The following SNX4 variants were observed in gnomAD, a reference collection of about 807,000 sequenced individuals.
SNX4 encodes the protein sorting nexin 4, also known as sorting nexin-4.
Under a neutral mutation model 70.8 loss-of-function variants are expected in SNX4, and 49 were observed. That is an observed-to-expected ratio of 0.69 (90% CI 0.55 to 0.88). The LOEUF (loss-of-function observed/expected upper bound fraction) is 0.88. Ranked by LOEUF, SNX4 falls within the 40% of genes least tolerant of loss-of-function variation. The pLI, the probability that SNX4 is intolerant of heterozygous loss-of-function variation, is 0.00. For synonymous variants in SNX4, 206 were observed against 183.8 expected (o/e 1.12, Z -0.98); for missense variants, 528 against 544.8 (o/e 0.97, Z 0.31).
intron 8 of SNX4, among the ~76,000 whole-genome samples, chr3:125,471,466 C>T (rs1242625605): frequency 6.7e-6 from 1 of 149,706 alleles, no homozygotes; most frequent in Non-Finnish European, 1.5e-5. Context: ...CTCTGAGGTA[C>T]ATAACAAGTT....
intron 5 of SNX4, among the ~76,000 whole-genome samples, chr3:125,495,082 A>G (rs1226684284): frequency 6.6e-6 from 1 of 151,670 alleles, no homozygotes; most frequent in African/African-American, 2.4e-5. Flanking sequence ...CTGCTACAGG[A>G]AGACCAAAGT....
At chr3:125,519,199 A>G (rs1580016957) in intron 1 of SNX4, among the ~76,000 whole-genome samples, 1 of 152,110 alleles carries the variant, frequency 6.6e-6, no homozygotes, top group East Asian at 1.9e-4. Context: ...GGAGCACTGC[A>G]GTTAGTTTCT....
At chr3:125,493,649 G>A (rs1219328642) in intron 5 of SNX4, among the ~76,000 whole-genome samples, 4 of 125,094 alleles carry the variant, frequency 3.2e-5, no homozygotes, top group African/African-American at 6.1e-5. Flanking sequence ...GCGAGACTCC[G>A]TGTCAAAAAA....
chr3:125,450,938 T>TA (rs765314120), intron 13 of SNX4, among the ~76,000 whole-genome samples: 7 of 152,180 alleles, frequency 4.6e-5, no homozygotes, highest in Non-Finnish European at 1.0e-4. Flanking sequence ...GGACTTTAGA[T>TA]GAGTGGAGAC....
chr3:125,501,905 T>C (rs1934938167), intron 2 of SNX4, among the ~76,000 whole-genome samples: 1 of 152,252 alleles, frequency 6.6e-6, no homozygotes, highest in South Asian at 2.1e-4. Context: ...TGGTCACTTC[T>C]AACTCCCAGG....
At chr3:125,504,547 T>C (rs1935006145) in intron 2 of SNX4, 76 bp downstream of exon 2, 6 of 1,367,836 alleles carry the variant, frequency 4.4e-6, no homozygotes, top group African/African-American at 1.5e-5. Context: ...AATTCTGTTA[T>C]ACAGCAGAGT....
At position 125,508,750 on chromosome 3, in the gene SNX4, C is replaced by T. The variant is rs142170150; in HGVS notation, c.142-4006G>A. On this transcript the variant is annotated intron_variant, in intron 1 of 13. Transcript: ENST00000251775. ...AATATATGGTCAAACAATTTTGTGA[C>T]GAGACAGTTCGATGGGAAAAGGACA... is the stretch of plus-strand genomic sequence containing the variant. 7.2e-5 allele frequency among the ~76,000 whole-genome samples: 11 copies of T among 151,986 alleles called. No individual in the cohort carries two copies. The East Asian group carries it at 1.5e-3, about 21-fold the overall frequency.
chr3:125,487,839 T>C (rs1289491018), intron 6 of SNX4, among the ~76,000 whole-genome samples: 1 of 151,516 alleles, frequency 6.6e-6, no homozygotes, highest in East Asian at 1.9e-4. Flanking sequence ...ACAGGTGCAG[T>C]AGAGAGGATT....
rs370989092 is a variant in SNX4, at chr3:125,457,223, G to C, written c.1044+43C>G. 4.5e-6 allele frequency: 6 copies of C among 1,343,182 alleles called. No homozygotes were observed. The Admixed American group carries it at 1.0e-4, about 23-fold the overall frequency. 83.2% of individuals were successfully genotyped at this position (1,343,182 alleles called of 1,614,324 possible). ...AGTGAGTGCTTGTGAGGAACATTCC[G>C]TGTTGCTACAGTATCATCAGAGGCC... On this transcript the variant is annotated intron_variant, in intron 11 of 13. Coordinates refer to ENST00000251775, the MANE Select transcript of SNX4 (RefSeq NM_003794.4).
intron 9 of SNX4, 130 bp from the exon 10 acceptor site, chr3:125,460,990 C>CTGAGG: frequency 2.7e-6 from 1 of 367,596 alleles, no homozygotes; most frequent in Non-Finnish European, 4.9e-6. Context: ...CTTTGGGAGG[C>CTGAGG]CAAGAAGGGC....
chr3:125,457,646 C>A (rs1385738650), intron 10 of SNX4, among the ~76,000 whole-genome samples: 1 of 144,108 alleles, frequency 6.9e-6, no homozygotes, highest in East Asian at 2.1e-4. Context: ...GGCGCGATCT[C>A]GGCTCACTGC....
At chr3:125,453,424 T>C (rs573390470) in intron 12 of SNX4, among the ~76,000 whole-genome samples, 2 of 152,170 alleles carry the variant, frequency 1.3e-5, no homozygotes, top group Admixed American at 1.3e-4. Context: ...GTTGAAACTT[T>C]TATTTCTCTT....
Position 125,476,705 on chromosome 3 carries a change from G to A in SNX4, c.778C>T (p.Arg260Ter), listed in dbSNP as rs2107542650. 3 of 1,589,536 alleles carry A rather than the reference G, an allele frequency of 1.9e-6. No homozygotes were observed. The highest frequency in any genetic ancestry group is 2.6e-6 in the Non-Finnish European group (3 of 1,160,734). ...GVYKVHGNYGRVFSEWSAIEK... is the reference protein window; with the variant it reads ...GVYKVHGNYG ...TTGTATGATGCTTACCTGAAAACTC[G>A]ACCATAATTCCCATGTACTTTATAT... The change falls in exon 8 of 14, where the codon CGA becomes TGA. Residue 260 changes from arginine to a stop codon, truncating the protein, a stop_gained. Transcript: ENST00000251775. LOFTEE classifies it high-confidence loss of function.
chr3:125,509,558 C>T (rs1463027556), intron 1 of SNX4, among the ~76,000 whole-genome samples: 1 of 151,788 alleles, frequency 6.6e-6, no homozygotes, highest in Non-Finnish European at 1.5e-5. Context: ...TCAAGGCCAG[C>T]CTAGCCAACA....
intron 7 of SNX4, among the ~76,000 whole-genome samples, chr3:125,479,877 C>A (rs994059966): frequency 6.6e-6 from 1 of 152,078 alleles, no homozygotes; most frequent in African/African-American, 2.4e-5. Flanking sequence ...TTTAAGAGCA[C>A]AGACACAGGA....
At chr3:125,518,811 T>C in intron 1 of SNX4, among the ~76,000 whole-genome samples, 1 of 151,558 alleles carries the variant, frequency 6.6e-6, no homozygotes. Flanking sequence ...GAGACCAGCC[T>C]GACCAACATG....
At chr3:125,513,234 A>T (rs1935207077) in intron 1 of SNX4, among the ~76,000 whole-genome samples, 1 of 152,204 alleles carries the variant, frequency 6.6e-6, no homozygotes, top group African/African-American at 2.4e-5. Flanking sequence ...CCATGTGAGG[A>T]CACAGTGAAA....
At chr3:125,451,718 C>A (rs550625836) in intron 12 of SNX4, among the ~76,000 whole-genome samples, 1 of 152,006 alleles carries the variant, frequency 6.6e-6, no homozygotes, top group African/African-American at 2.4e-5. Context: ...CCTCTGCATT[C>A]CGGGTTTGAG....
intron 1 of SNX4, among the ~76,000 whole-genome samples, chr3:125,510,207 T>A (rs989382945): frequency 3.9e-5 from 6 of 151,974 alleles, no homozygotes; most frequent in Admixed American, 6.6e-5. Context: ...AAGGAAGCAA[T>A]GCAAATGTCC....
Sources: allele counts gnomAD v4.1 joint callset (sites outside exome capture counted in the v4.1 genomes callset), GRCh38; gene constraint gnomAD v4.1.1; transcripts MANE v1.5; gene names NCBI Gene and HGNC (gene_info 2026-07-23, HGNC 2026-07-21).